Variants in PLPPR5 observed in about 807,000 individuals in gnomAD.
PLPPR5 encodes phospholipid phosphatase related 5.
In PLPPR5, 16 loss-of-function variants were observed where a neutral mutation model predicts 33.9. The observed-to-expected ratio is 0.47, with a 90% CI of 0.32 to 0.72. PLPPR5 has a LOEUF of 0.72. Among genes scored for constraint, PLPPR5 ranks in the 30% least tolerant of loss-of-function variants. The probability of loss-of-function intolerance (pLI) is 0.03; values close to 1 mark genes in which losing one functional copy is unlikely to be tolerated. For synonymous variants in PLPPR5, 163 were observed against 150.3 expected (o/e 1.08, Z -0.62); for missense variants, 301 against 406.7 (o/e 0.74, Z 2.23).
chr1:98,894,780 A>G (rs1458409759), intron 5 of PLPPR5, among the ~76,000 whole-genome samples: 1 of 152,058 alleles, frequency 6.6e-6, no homozygotes, highest in Admixed American at 6.6e-5. Context: ...TCTTAAGAGG[A>G]CAACCACTAA....
At chr1:98,945,977 G>C (rs1023052007) in intron 3 of PLPPR5, among the ~76,000 whole-genome samples, 7 of 152,086 alleles carry the variant, frequency 4.6e-5, no homozygotes, top group African/African-American at 1.7e-4. Flanking sequence ...GCTCAGGCTT[G>C]GCAGCTCAGA....
chr1:98,908,627 C>T (rs891121960), intron 5 of PLPPR5, among the ~76,000 whole-genome samples: 2 of 152,054 alleles, frequency 1.3e-5, no homozygotes, highest in Non-Finnish European at 2.9e-5. Context: ...AGATTTGGAT[C>T]CCTGGGTCCT....
At chr1:98,915,972 A>G (rs1200435743) in intron 4 of PLPPR5, among the ~76,000 whole-genome samples, 1 of 152,228 alleles carries the variant, frequency 6.6e-6, no homozygotes, top group Non-Finnish European at 1.5e-5. Context: ...TCTATTACAA[A>G]TCAAAATACA....
chr1:98,921,342 C>T (rs1281062152), intron 4 of PLPPR5, among the ~76,000 whole-genome samples: 1 of 152,032 alleles, frequency 6.6e-6, no homozygotes, highest in Non-Finnish European at 1.5e-5. Context: ...TGTAAAATGC[C>T]TCATCTCACA....
intron 1 of PLPPR5, among the ~76,000 whole-genome samples, chr1:98,971,965 G>A (rs1288167016): frequency 6.6e-6 from 1 of 152,020 alleles, no homozygotes; most frequent in East Asian, 1.9e-4. Flanking sequence ...CAACAATTCA[G>A]AGGCTTGAAT....
intron 5 of PLPPR5, among the ~76,000 whole-genome samples, chr1:98,914,457 G>C (rs1649264978): frequency 6.6e-6 from 1 of 151,888 alleles, no homozygotes; most frequent in African/African-American, 2.4e-5. Context: ...GCTAATTTTT[G>C]TATTTTTTTG....
Position 98,953,301 on chromosome 1 carries a change from C to T in PLPPR5, c.390G>A (p.Leu130=). Residue 130 remains leucine, a synonymous_variant, in exon 3 of 6, where the codon CTG becomes CTA. Coordinates refer to ENST00000263177, the MANE Select transcript of PLPPR5 (RefSeq NM_001037317.2). ...CATTTACAAAGATATCTGTAGCAAA[C>T]AGTCCAAATGTATAAATTCCTGGGG... is the stretch of plus-strand genomic sequence containing the variant. ...VRFLGIYTFG[L]FATDIFVNAG... The T allele has an allele frequency of 6.2e-7, 1 of 1,613,214 alleles. No homozygotes were observed. Among genetic ancestry groups the T allele is most frequent in the Non-Finnish European group, 8.5e-7 (1 of 1,179,864 alleles).
chr1:98,906,183 GTATA>G (rs58392273), intron 5 of PLPPR5, among the ~76,000 whole-genome samples: 1 of 147,762 alleles, frequency 6.8e-6, no homozygotes, highest in Non-Finnish European at 1.5e-5. Context: ...TAGTGTGTGT[GTATA>G]TATATATATA....
intron 1 of PLPPR5, among the ~76,000 whole-genome samples, chr1:98,988,985 C>T (rs1326046344): frequency 6.6e-6 from 1 of 152,090 alleles, no homozygotes; most frequent in Non-Finnish European, 1.5e-5. Context: ...TACCAGTGAT[C>T]CCTTTTATAG....
In PLPPR5 at chr1:98,890,611, ATG is replaced by A. The variant is rs1174091597; in HGVS notation, c.*2459_*2460del. 6.6e-6 allele frequency: 1 copy of A among 152,584 alleles called. No homozygotes were observed. The highest frequency in any genetic ancestry group is 2.4e-5 in the African/African-American group (1 of 41,456). The allele number at this position is 152,584 out of a possible 1,614,324, so 9.5% of individuals were successfully genotyped here. ...AAGGAGATGTTTTTATCAGAAAGAT[ATG>A]TGTTTGCCTGCTTTTACTAGACTAC... On this transcript the variant is annotated 3_prime_UTR_variant, in exon 6 of 6. Transcript: ENST00000263177.
intron 1 of PLPPR5, among the ~76,000 whole-genome samples, chr1:98,988,786 T>A (rs1652348674): frequency 6.6e-6 from 1 of 152,174 alleles, no homozygotes; most frequent in Non-Finnish European, 1.5e-5. Context: ...TCCTTGCTTA[T>A]GCCTCTATTT....
chr1:99,001,491 A>C (rs866027132), intron 1 of PLPPR5, among the ~76,000 whole-genome samples: 1 of 151,412 alleles, frequency 6.6e-6, no homozygotes, highest in Non-Finnish European at 1.5e-5. Context: ...AATTTACTAG[A>C]CTCGGAACCT....
intron 1 of PLPPR5, among the ~76,000 whole-genome samples, chr1:99,001,200 T>G (rs1279080001): frequency 6.6e-6 from 1 of 150,846 alleles, no homozygotes; most frequent in Non-Finnish European, 1.5e-5. Context: ...AGTGGCATGA[T>G]CTCTGCTCAC....
chr1:98,997,925 T>G (rs1356631508), intron 1 of PLPPR5, among the ~76,000 whole-genome samples: 2 of 151,840 alleles, frequency 1.3e-5, no homozygotes, highest in African/African-American at 4.8e-5. Context: ...GCCACATGGA[T>G]AGTGAGCAAT....
chr1:98,986,501 C>CT (rs1324152048), intron 1 of PLPPR5, among the ~76,000 whole-genome samples: 3 of 151,290 alleles, frequency 2.0e-5, no homozygotes, highest in East Asian at 1.9e-4. Context: ...AAAAGTAAGG[C>CT]TTTTTTTAAT....
intron 5 of PLPPR5, among the ~76,000 whole-genome samples, chr1:98,897,343 T>C (rs1404330760): frequency 6.6e-6 from 1 of 152,218 alleles, no homozygotes; most frequent in Admixed American, 6.5e-5. Context: ...GGACCTTTCC[T>C]GTGAATTTTC....
At chr1:98,969,429 T>C (rs1044978015) in intron 1 of PLPPR5, among the ~76,000 whole-genome samples, 14 of 152,020 alleles carry the variant, frequency 9.2e-5, no homozygotes, top group Non-Finnish European at 1.8e-4. Flanking sequence ...AGAAAAAATA[T>C]GATTCTAAAA....
At chr1:98,922,195 G>T in intron 3 of PLPPR5, 137 bp from the exon 4 acceptor site, 1 of 836,388 alleles carries the variant, frequency 1.2e-6, no homozygotes, top group East Asian at 2.9e-5. Flanking sequence ...TGGAGTTTAT[G>T]AAGTTTTTGA....
intron 5 of PLPPR5, among the ~76,000 whole-genome samples, chr1:98,896,719 C>T (rs1018373382): frequency 2.0e-5 from 3 of 152,024 alleles, no homozygotes; most frequent in Non-Finnish European, 2.9e-5. Context: ...GTACTGGATA[C>T]TTAAATTTAA....
Sources: gnomAD v4.1 joint callset for allele counts (sites outside exome capture counted in the v4.1 genomes callset) on GRCh38, gnomAD v4.1.1 for gene constraint, MANE v1.5 for transcripts, NCBI Gene and HGNC (gene_info 2026-07-23, HGNC 2026-07-21) for gene names.